SENP1: variants seen among roughly 807,000 people sequenced by gnomAD.
SENP1 encodes SUMO specific peptidase 1.
SENP1 carries 21 observed loss-of-function variants against 93.0 expected under a neutral mutation model. That is an observed-to-expected ratio of 0.23 (90% CI 0.16 to 0.33). The LOEUF (loss-of-function observed/expected upper bound fraction) is 0.33, where lower values mean the gene tolerates loss of function less well. Among genes scored for constraint, SENP1 ranks in the 10% least tolerant of loss-of-function variants. The pLI is 1.00. For synonymous variants in SENP1, 256 were observed against 259.6 expected, an observed-to-expected ratio of 0.99 and a Z score of 0.13; for missense variants, 591 against 758.7, an observed-to-expected ratio of 0.78 and a Z score of 2.60.
intron 13 of SENP1, among the ~76,000 whole-genome samples, chr12:48,054,595 G>A (rs769569369): frequency 6.6e-6 from 1 of 152,064 alleles, no homozygotes; most frequent in Non-Finnish European, 1.5e-5. Flanking sequence ...TTCAAGACCA[G>A]GCTGGCCAAC....
intron 5 of SENP1, chr12:48,085,135 TA>T (rs1944763426): frequency 7.1e-7 from 1 of 1,412,104 alleles, no homozygotes; most frequent in African/African-American, 1.4e-5. Flanking sequence ...CTGGGCAGCA[TA>T]GGGGAGCTTA....
At position 48,045,053 on chromosome 12, in the gene SENP1, A is replaced by G. The variant is rs1356956695; in HGVS notation, c.*269T>C. 1 of 440,060 alleles carries G rather than the reference A, an allele frequency of 2.3e-6. No homozygotes were observed. The allele number at this position is 440,060 out of a possible 1,614,324, so 27.3% of individuals were successfully genotyped here. On this transcript the variant is annotated 3_prime_UTR_variant, in exon 18 of 18. Transcript: ENST00000549518. ...TGGAGCCCTTTGAAAACAAGATGGC[A>G]GAACTGAAGAAGTGAAAAGCAGTCT...
Position 48,064,959 on chromosome 12 carries a change from G to A in SENP1, c.1275+106C>T, listed in dbSNP as rs554914566. The A allele has an allele frequency of 2.6e-5, 21 of 800,798 alleles. No individual in the cohort carries two copies. The African/African-American group carries it at 3.4e-4, about 13-fold the overall frequency. 49.6% of individuals were successfully genotyped at this position (800,798 alleles called of 1,614,324 possible). On this transcript the variant is annotated intron_variant, in intron 12 of 17. Transcript: ENST00000549518. The stretch of plus-strand genomic sequence containing the variant: ...CCCAAAGTGATGGGATTACAGGCGT[G>A]AGCCACCGTGCCTGACCACTATTGC...
intron 4 of SENP1, among the ~76,000 whole-genome samples, chr12:48,095,621 C>A (rs1945509208): frequency 6.6e-6 from 1 of 150,998 alleles, no homozygotes; most frequent in Non-Finnish European, 1.5e-5. Flanking sequence ...GGCAAGGAGA[C>A]TGAAGCATGA....
chr12:48,061,459 G>A (rs1248740085), intron 13 of SENP1, among the ~76,000 whole-genome samples: 10 of 152,188 alleles, frequency 6.6e-5, no homozygotes, highest in African/African-American at 2.4e-4. Context: ...CCAGTCTAGA[G>A]TACAGTGGCT....
chr12:48,078,155 G>GT (rs984332855), intron 6 of SENP1, among the ~76,000 whole-genome samples: 10 of 150,894 alleles, frequency 6.6e-5, no homozygotes, highest in Admixed American at 4.6e-4. Flanking sequence ...AATTTGATTG[G>GT]TTTTTTGTAG....
intron 12 of SENP1, among the ~76,000 whole-genome samples, chr12:48,064,259 G>T (rs1943142017): frequency 6.6e-6 from 1 of 152,140 alleles, no homozygotes; most frequent in South Asian, 2.1e-4. Flanking sequence ...CTTTCTTAGA[G>T]ATCTTTTTTT....
chr12:48,043,752 T>A lies in SENP1; in HGVS notation c.*1570A>T, dbSNP rs1941158905. Reference sequence around the variant, plus strand: ...AGTTGCTGGAGTGGAAACAGTAACATTCAGTTAACAATGGAATATTTAAAA... The same window carrying A: ...AGTTGCTGGAGTGGAAACAGTAACAATCAGTTAACAATGGAATATTTAAAA... On this transcript the variant is annotated 3_prime_UTR_variant, in exon 18 of 18. Coordinates refer to ENST00000549518, the MANE Select transcript of SENP1 (RefSeq NM_001267594.2). 1 of 152,594 alleles carries A rather than the reference T, an allele frequency of 6.6e-6. No individual in the cohort carries two copies. The highest frequency in any genetic ancestry group is 2.1e-4 in the South Asian group (1 of 4,822). 9.5% of individuals were successfully genotyped at this position (152,594 alleles called of 1,614,324 possible).
At chr12:48,099,715 G>A (rs1046283083) in intron 2 of SENP1, among the ~76,000 whole-genome samples, 7 of 152,074 alleles carry the variant, frequency 4.6e-5, no homozygotes, top group Non-Finnish European at 1.0e-4. Flanking sequence ...GGAGGCTGAA[G>A]CATGAGAATC....
rs1017298822 is a variant in SENP1, at chr12:48,049,242, T to C, written c.1408-110A>G. On this transcript the variant is annotated intron_variant, in intron 13 of 17. Transcript: ENST00000549518. ...TGTAATTGTTTCCTAATAAACTGAA[T>C]TAAGTCTTCAACATCCAACAGATTC... 8.8e-6 allele frequency: 7 copies of C among 793,262 alleles called. No individual in the cohort carries two copies. In the East Asian group the frequency reaches 1.8e-4, roughly 20 times the overall value. The allele number at this position is 793,262 out of a possible 1,614,324, so 49.1% of individuals were successfully genotyped here. A position where few individuals can be genotyped will look rare whatever the true frequency, so the allele number is the denominator to read the frequency against.
At chr12:48,079,572 C>T (rs1370780393) in intron 6 of SENP1, among the ~76,000 whole-genome samples, 1 of 152,094 alleles carries the variant, frequency 6.6e-6, no homozygotes, top group East Asian at 1.9e-4. Context: ...GTTAAAGAAG[C>T]TAGCTAATGT....
intron 5 of SENP1, among the ~76,000 whole-genome samples, chr12:48,084,062 A>G (rs1423982688): frequency 6.6e-6 from 1 of 152,240 alleles, no homozygotes; most frequent in African/African-American, 2.4e-5. Flanking sequence ...GGTATGACAA[A>G]GCATAACAGA....
chr12:48,078,334 T>TAC (rs1555182749), intron 6 of SENP1, among the ~76,000 whole-genome samples: 1,208 of 67,556 alleles, frequency 0.018, 115 homozygotes, highest in African/African-American at 0.039. Context: ...TATATATATA[T>TAC]ACACACACAT....
At chr12:48,097,322 T>C (rs767227793) in intron 3 of SENP1, among the ~76,000 whole-genome samples, 31 of 152,128 alleles carry the variant, frequency 2.0e-4, no homozygotes, top group Non-Finnish European at 4.0e-4. Context: ...AAAATGATTA[T>C]GGGGGGAGGT....
At chr12:48,078,332 TATAC>T (rs1944261129) in intron 6 of SENP1, among the ~76,000 whole-genome samples, 1 of 83,862 alleles carries the variant, frequency 1.2e-5, no homozygotes, top group African/African-American at 3.9e-5. Context: ...TATATATATA[TATAC>T]ACACACATAT....
chr12:48,070,431 G>A (rs1943609295), intron 9 of SENP1, among the ~76,000 whole-genome samples: 1 of 151,920 alleles, frequency 6.6e-6, no homozygotes, highest in South Asian at 2.1e-4. Context: ...ATATACATTT[G>A]TTTATCCTTC....
intron 5 of SENP1, among the ~76,000 whole-genome samples, chr12:48,087,381 T>C (rs1944952452): frequency 6.6e-6 from 1 of 152,254 alleles, no homozygotes; most frequent in Non-Finnish European, 1.5e-5. Context: ...GTATTTGTAC[T>C]ACTTCTGTAA....
intron 5 of SENP1, among the ~76,000 whole-genome samples, chr12:48,084,881 T>C (rs4589362): frequency 0.23 from 34,547 of 152,164 alleles, 4,591 homozygotes; most frequent in East Asian, 0.55. Context: ...ATATTCTAAA[T>C]TCAATGAAAT....
At position 48,043,539 on chromosome 12, in the gene SENP1, A is replaced by C. The variant is rs1941137845; in HGVS notation, c.*1783T>G. Reference sequence around the variant, plus strand: ...ACTGCATGCCACAGCTTTCTAAAAGAGAATGTGAAGGTCCCCAGCAACTCA... The same window carrying C: ...ACTGCATGCCACAGCTTTCTAAAAGCGAATGTGAAGGTCCCCAGCAACTCA... On this transcript the variant is annotated 3_prime_UTR_variant, in exon 18 of 18. Coordinates refer to ENST00000549518, the MANE Select transcript of SENP1 (RefSeq NM_001267594.2). 1 of 152,648 alleles carries C rather than the reference A, an allele frequency of 6.6e-6. No individual in the cohort carries two copies. The highest frequency in any genetic ancestry group is 6.5e-5 in the Admixed American group (1 of 15,276). The allele number at this position is 152,648 out of a possible 1,614,324, so 9.5% of individuals were successfully genotyped here.
Sources: allele counts gnomAD v4.1 joint callset (sites outside exome capture counted in the v4.1 genomes callset), GRCh38; gene constraint gnomAD v4.1.1; transcripts MANE v1.5; gene names NCBI Gene and HGNC (gene_info 2026-07-23, HGNC 2026-07-21).